TUBE1: variants seen among roughly 807,000 people sequenced by gnomAD.
The protein encoded by TUBE1 is tubulin epsilon 1.
Under a neutral mutation model 53.5 loss-of-function variants are expected in TUBE1, and 34 were observed. That is an observed-to-expected ratio of 0.64 (90% CI 0.48 to 0.85). TUBE1 has a LOEUF of 0.85. TUBE1 is among the 40% of genes least tolerant of loss of function. TUBE1 has a pLI of 0.00. For missense variants in TUBE1, 532 were observed against 570.5 expected, an observed-to-expected ratio of 0.93 and a Z score of 0.69; for synonymous variants, 177 against 198.4, an observed-to-expected ratio of 0.89 and a Z score of 0.91.
chr6:112,083,164 C>A (rs1259819898), intron 4 of TUBE1, among the ~76,000 whole-genome samples: 2 of 151,798 alleles, frequency 1.3e-5, no homozygotes, highest in Non-Finnish European at 2.9e-5. Flanking sequence ...ATTGTAACAG[C>A]CTGCAAGCAC....
At chr6:112,079,849 A>G in intron 5 of TUBE1, 95 bp from the exon 6 acceptor site, 3 of 1,256,468 alleles carry the variant, frequency 2.4e-6, no homozygotes, top group Non-Finnish European at 3.3e-6. Flanking sequence ...ACAAATTTGA[A>G]AAGTATTCTT....
intron 6 of TUBE1, chr6:112,078,435 A>G (rs1777010257): frequency 2.0e-5 from 3 of 152,214 alleles, no homozygotes; most frequent in Middle Eastern, 3.4e-3. Flanking sequence ...TGGAAAAGTT[A>G]CAGTATAGTA....
rs115739711 is a variant in TUBE1 at position 112,073,920 on chromosome 6, T to C, written c.953+790A>G. ...TCTCCAGAGTAGCTGGGACTACAAG[T>C]GCAGACAGGGTCTCACACTATGTTG... On this transcript the variant is annotated intron_variant, in intron 9 of 11. Transcript: ENST00000368662. Among the ~76,000 whole-genome samples the C allele has an allele frequency of 4.7e-3, 713 of 152,240 alleles. 9 individuals are homozygous for C. Among genetic ancestry groups the C allele is most frequent in the African/African-American group, 0.016 (674 of 41,542 alleles).
chr6:112,085,980 G>T (rs1260138156), intron 3 of TUBE1, among the ~76,000 whole-genome samples: 1 of 152,086 alleles, frequency 6.6e-6, no homozygotes, highest in Non-Finnish European at 1.5e-5. Flanking sequence ...TGTTCCTATT[G>T]GATTAAAGCC....
At position 112,085,902 on chromosome 6, in the gene TUBE1, C is replaced by T. The variant is rs12198685; in HGVS notation, c.152+654G>A. 3.9e-3 allele frequency among the ~76,000 whole-genome samples: 588 copies of T among 152,258 alleles called. 3 individuals are homozygous for T. Among genetic ancestry groups the T allele is most frequent in the Non-Finnish European group, 6.0e-3 (407 of 68,006 alleles). On this transcript the variant is annotated intron_variant, in intron 3 of 11. Transcript: ENST00000368662. ...GACTCTGGAATTCACCCAGGAAGCG[C>T]GGACTAATCAGCTTTCTCTGAAGAT...
At chr6:112,079,784 T>G in intron 5 of TUBE1, 30 bp from the exon 6 acceptor site, 1 of 1,583,652 alleles carries the variant, frequency 6.3e-7, no homozygotes, top group Non-Finnish European at 8.5e-7. Flanking sequence ...TTTTAAAAAT[T>G]CCTTGCATTT....
At chr6:112,085,392 T>C (rs1399817402) in intron 3 of TUBE1, 1 of 228,552 alleles carries the variant, frequency 4.4e-6, no homozygotes, top group African/African-American at 2.3e-5. Flanking sequence ...GATGAGAGTG[T>C]AGTTATGAAG....
Position 112,081,029 on chromosome 6 carries a change from C to T in TUBE1, c.326+63G>A, listed in dbSNP as rs1032221447. The T allele has an allele frequency of 3.4e-5, 36 of 1,051,408 alleles. No individual in the cohort carries two copies. The East Asian group carries it at 7.6e-4, about 22-fold the overall frequency. 65.1% of individuals were successfully genotyped at this position (1,051,408 alleles called of 1,614,324 possible). A position where few individuals can be genotyped will look rare whatever the true frequency, so the allele number is the denominator to read the frequency against. ...CCTGTTTCGTATCAGCAGAATCTCA[C>T]AATGAAGAAAGATTGCTCATTTTTT... On this transcript the variant is annotated intron_variant, in intron 5 of 11. Coordinates refer to ENST00000368662, the MANE Select transcript of TUBE1 (RefSeq NM_016262.5).
intron 6 of TUBE1, 82 bp downstream of exon 6, chr6:112,079,551 C>T: frequency 6.9e-7 from 1 of 1,454,918 alleles, no homozygotes; most frequent in Non-Finnish European, 9.5e-7. Flanking sequence ...AAGCACAGGT[C>T]TAAAAACAAG....
In TUBE1 at chr6:112,076,086, G is replaced by T; in HGVS notation, c.663C>A (p.Ile221=). The T allele has an allele frequency of 6.2e-7, 1 of 1,612,638 alleles. No homozygotes were observed. The highest frequency in any genetic ancestry group is 1.7e-4 in the Middle Eastern group (1 of 6,048). The change falls in exon 8 of 12, where the codon ATC becomes ATA. Residue 221 remains isoleucine (I), a synonymous_variant. Transcript: ENST00000368662. ...NQSLFDIISK[I]DLMVNSGKLG... is the part of the protein sequence containing the mutation. ...ACTTTCCAGAATTCACCATGAGGTC[G>T]ATTTTGCTAATGATGTCAAATAAAG...
At position 112,076,505 on chromosome 6, in the gene TUBE1, T is replaced by C. The variant is rs1776973433; in HGVS notation, c.453A>G (p.Thr151=). 1.3e-6 allele frequency: 2 copies of C among 1,591,300 alleles called. No homozygotes were observed. Among genetic ancestry groups the C allele is most frequent in the African/African-American group, 2.7e-5 (2 of 73,792 alleles). The part of the protein sequence containing the change: ...FFIIHSMGGG[T]GSGLGTFLLK... ...AAAGAAATGTGCCAAGTCCAGATCCTGTTCCTGAGGATTAAAGTGTTTTTA... is the reference window on the plus strand; with the variant it reads ...AAAGAAATGTGCCAAGTCCAGATCCCGTTCCTGAGGATTAAAGTGTTTTTA... Residue 151 remains threonine, a synonymous_variant, in exon 7 of 12, where the codon ACA becomes ACG. Transcript: ENST00000368662.
At chr6:112,081,480 T>A (rs66508239) in intron 4 of TUBE1, among the ~76,000 whole-genome samples, 47,808 of 151,896 alleles carry the variant, frequency 0.31, 8,137 homozygotes, top group African/African-American at 0.46. Flanking sequence ...CCCTCAACTG[T>A]ATTTCTAACA....
At chr6:112,086,837 A>C (rs782153595) in intron 2 of TUBE1, 1 of 533,586 alleles carries the variant, frequency 1.9e-6, no homozygotes, top group African/African-American at 1.9e-5. Context: ...GATTTCACCC[A>C]TAGGACTGTA....
intron 11 of TUBE1, 120 bp downstream of exon 11, chr6:112,071,782 A>G (rs1776870107): frequency 3.8e-6 from 4 of 1,053,516 alleles, no homozygotes; most frequent in Non-Finnish European, 5.3e-6. Context: ...CTTCAGTTAT[A>G]ATCAGTACAA....
chr6:112,071,751 T>C, intron 11 of TUBE1, 151 bp downstream of exon 11: 1 of 925,408 alleles, frequency 1.1e-6, no homozygotes, highest in Non-Finnish European at 1.6e-6. Context: ...AGAGTAAAAG[T>C]AGCATGAGTA....
In TUBE1 at chr6:112,072,642, C is replaced by T. The variant is rs587674311; in HGVS notation, c.1094+116G>A. 41 of 1,042,124 alleles carry T rather than the reference C, an allele frequency of 3.9e-5. 1 individual carries two copies. In the South Asian group the frequency reaches 6.6e-4, roughly 17 times the overall value. The allele number at this position is 1,042,124 out of a possible 1,614,324, so 64.6% of individuals were successfully genotyped here. ...ACAAAGAGACTAAGTAGTTTGTTCACAGTCACACTTTAGTAAGTGGCACTG... is the reference window on the plus strand; with the variant it reads ...ACAAAGAGACTAAGTAGTTTGTTCATAGTCACACTTTAGTAAGTGGCACTG... On this transcript the variant is annotated intron_variant, in intron 10 of 11. Transcript: ENST00000368662.
At chr6:112,085,619 T>C (rs1554317218) in intron 3 of TUBE1, 4 of 470,082 alleles carry the variant, frequency 8.5e-6, no homozygotes, top group East Asian at 6.9e-5. Flanking sequence ...ATAGTCTATA[T>C]GACAGATATC....
chr6:112,074,872 G>A, intron 8 of TUBE1, 22 bp from the exon 9 acceptor site: 2 of 1,525,006 alleles, frequency 1.3e-6, no homozygotes, highest in East Asian at 2.4e-5. Flanking sequence ...ACATTAAAAT[G>A]AGAAAATTTT....
rs997846246 is a variant in TUBE1, at chr6:112,071,175, A to G, written c.*237T>C. 1 of 383,224 alleles carries G rather than the reference A, an allele frequency of 2.6e-6. No homozygotes were observed. The highest frequency in any genetic ancestry group is 4.6e-6 in the Non-Finnish European group (1 of 215,568). The allele number at this position is 383,224 out of a possible 1,614,324, so 23.7% of individuals were successfully genotyped here. On this transcript the variant is annotated 3_prime_UTR_variant, in exon 12 of 12. Transcript: ENST00000368662. The stretch of plus-strand genomic sequence containing the variant: ...AATATTCAAGAACTATGTTATCTCA[A>G]TTTTAGAAAAGGGAACTTTTCTGAA...
Sources: allele counts gnomAD v4.1 joint callset (sites outside exome capture counted in the v4.1 genomes callset), GRCh38; gene constraint gnomAD v4.1.1; transcripts MANE v1.5; gene names NCBI Gene and HGNC (gene_info 2026-07-23, HGNC 2026-07-21).